Variants in COL24A1 observed in about 807,000 individuals in gnomAD.
COL24A1 encodes collagen type XXIV alpha 1 chain, also known as collagen alpha-1(XXIV) chain.
COL24A1 carries 224 observed loss-of-function variants against 253.9 expected under a neutral mutation model. That is an observed-to-expected ratio of 0.88 (90% CI 0.79 to 0.99). COL24A1 has a LOEUF of 0.99. Ranked by LOEUF, COL24A1 falls within the 50% of genes least tolerant of loss-of-function variation. The probability of loss-of-function intolerance (pLI) is 0.00; values close to 1 mark genes in which losing one functional copy is unlikely to be tolerated. For missense variants in COL24A1, 2,131 were observed against 2,068.5 expected (o/e 1.03, Z -0.59); for synonymous variants, 685 against 673.7 (o/e 1.02, Z -0.26).
intron 7 of COL24A1, 63 bp from the exon 8 acceptor site, chr1:86,063,822 C>A: frequency 7.9e-7 from 1 of 1,259,842 alleles, no homozygotes. Flanking sequence ...AATAACGAAA[C>A]ATAGGTTGCA....
intron 24 of COL24A1, among the ~76,000 whole-genome samples, chr1:85,944,903 C>A (rs1689110947): frequency 6.7e-6 from 1 of 148,524 alleles, no homozygotes; most frequent in Admixed American, 6.7e-5. Flanking sequence ...CCAATTTCAT[C>A]CATGTCCCTA....
intron 3 of COL24A1, among the ~76,000 whole-genome samples, chr1:86,121,162 G>A (rs1312636544): frequency 1.3e-5 from 2 of 152,042 alleles, no homozygotes; most frequent in African/African-American, 4.8e-5. Context: ...GCAGGGGGAG[G>A]GATAGCATTA....
At position 85,868,509 on chromosome 1, in the gene COL24A1, C is replaced by CAGT; in HGVS notation, c.3300+7_3300+9dup. 1 of 1,598,092 alleles carries CAGT rather than the reference C, an allele frequency of 6.3e-7. No individual in the cohort carries two copies. The highest frequency in any genetic ancestry group is 8.6e-7 in the Non-Finnish European group (1 of 1,165,730). Reference sequence around the variant, plus strand: ...ACTTAGTATTTGAAAGTGAACCCAGCAGTACTTACCGGAAGGCCTGTTTGG... The same window carrying CAGT: ...ACTTAGTATTTGAAAGTGAACCCAGCAGTAGTACTTACCGGAAGGCCTGTTTGG... On this transcript the variant is annotated intron_variant, in intron 37 of 59. Coordinates refer to ENST00000370571, the MANE Select transcript of COL24A1 (RefSeq NM_152890.7).
intron 2 of COL24A1, among the ~76,000 whole-genome samples, chr1:86,134,297 C>A (rs1381858698): frequency 2.6e-5 from 4 of 151,678 alleles, no homozygotes; most frequent in Non-Finnish European, 5.9e-5. Flanking sequence ...TTTCAAAAAA[C>A]CAGCTCCTGG....
chr1:85,915,141 A>G (rs928035723), intron 24 of COL24A1, among the ~76,000 whole-genome samples: 6 of 152,228 alleles, frequency 3.9e-5, no homozygotes, highest in Non-Finnish European at 8.8e-5. Flanking sequence ...GCACTGTCCA[A>G]TCTGTTGAGG....
chr1:86,087,170 T>C (rs909864869), intron 7 of COL24A1, among the ~76,000 whole-genome samples: 1 of 151,826 alleles, frequency 6.6e-6, no homozygotes, highest in Non-Finnish European at 1.5e-5. Context: ...GATTGAAAGC[T>C]TTTTAAAAAA....
At chr1:85,755,890 T>A (rs1322175594) in intron 55 of COL24A1, among the ~76,000 whole-genome samples, 3 of 120,326 alleles carry the variant, frequency 2.5e-5, no homozygotes, top group Non-Finnish European at 3.5e-5. Context: ...ACAAAGTAGA[T>A]AAATTAGACT....
At chr1:85,775,785 T>C (rs1570564367) in intron 52 of COL24A1, 76 bp from the exon 53 acceptor site, 2 of 1,216,438 alleles carry the variant, frequency 1.6e-6, no homozygotes, top group East Asian at 4.7e-5. Context: ...TCATTATATG[T>C]AGAAACATGA....
At chr1:85,743,779 TA>T (rs1307449315) in intron 57 of COL24A1, among the ~76,000 whole-genome samples, 2 of 152,160 alleles carry the variant, frequency 1.3e-5, no homozygotes, top group African/African-American at 4.8e-5. Context: ...GTTTTTATAT[TA>T]ATCTAGGGCA....
rs115055549 is a variant in COL24A1, at chr1:85,746,729, G to T, written c.4438-1223C>A. On this transcript the variant is annotated intron_variant, in intron 55 of 59. Coordinates refer to ENST00000370571, the MANE Select transcript of COL24A1 (RefSeq NM_152890.7). ...GAGAAGGGGTAGGAGAGCTTTCCAG[G>T]CAGAAGCAGCAACCTGGCACAAAGG... 6.4e-3 allele frequency among the ~76,000 whole-genome samples: 975 copies of T among 152,254 alleles called. 10 individuals are homozygous for T. Among genetic ancestry groups the T allele is most frequent in the African/African-American group, 0.023 (947 of 41,550 alleles).
chr1:85,745,291 C>T (rs1229858399), intron 56 of COL24A1, 150 bp downstream of exon 56: 1 of 484,890 alleles, frequency 2.1e-6, no homozygotes, highest in South Asian at 4.3e-5. Context: ...ACCAAAATCA[C>T]TTACTTTGTT....
chr1:86,077,850 T>TA (rs35714263), intron 7 of COL24A1, among the ~76,000 whole-genome samples: 51,827 of 150,408 alleles, frequency 0.34, 9,261 homozygotes, highest in Middle Eastern at 0.51. Flanking sequence ...GTTGGGGGGC[T>TA]GGGGAGGGCT....
rs537244415 is a variant in COL24A1 at position 85,854,081 on chromosome 1, G to GT, written c.3301-4676dup. Among the ~76,000 whole-genome samples the GT allele has an allele frequency of 8.3e-4, 126 of 152,192 alleles. 1 individual carries two copies. Among genetic ancestry groups the GT allele is most frequent in the African/African-American group, 2.8e-3 (118 of 41,524 alleles). The stretch of plus-strand genomic sequence containing the variant: ...AGTATTCCCTAAGTTCTCTTCTAAG[G>GT]TTTTTATAGTTTTAGGTTTTATATT... On this transcript the variant is annotated intron_variant, in intron 37 of 59. Coordinates refer to ENST00000370571, the MANE Select transcript of COL24A1 (RefSeq NM_152890.7).
Position 85,838,594 on chromosome 1 carries a change from C to T in COL24A1, c.3672G>A (p.Glu1224=). 6.2e-7 allele frequency: 1 copy of T among 1,613,808 alleles called. No individual in the cohort carries two copies. The highest frequency in any genetic ancestry group is 1.1e-5 in the South Asian group (1 of 91,074). The change falls in exon 43 of 60, where the codon GAG becomes GAA. Residue 1224 remains glutamate (E), a synonymous_variant. Coordinates refer to ENST00000370571, the MANE Select transcript of COL24A1 (RefSeq NM_152890.7). ...TATAACTTGCAATTACCTTATATCC[C>T]TCTGCTCCAGGCTCTCCTCTCTCTC... ...DQGERGEPGA[E]GYKGHVGVPG...
intron 28 of COL24A1, among the ~76,000 whole-genome samples, chr1:85,896,741 A>T (rs964742848): frequency 3.3e-5 from 5 of 151,934 alleles, no homozygotes; most frequent in African/African-American, 1.2e-4. Context: ...CTCGTGATCC[A>T]CCCGCCTCGG....
intron 12 of COL24A1, among the ~76,000 whole-genome samples, chr1:86,044,466 TTAAAA>T (rs1213320676): frequency 2.6e-5 from 4 of 152,162 alleles, no homozygotes; most frequent in African/African-American, 7.2e-5. Context: ...TAGACAGACT[TTAAAA>T]TAAACATTAG....
chr1:85,765,851 A>T (rs1197561464), intron 53 of COL24A1, among the ~76,000 whole-genome samples: 2 of 152,164 alleles, frequency 1.3e-5, no homozygotes, highest in Non-Finnish European at 2.9e-5. Flanking sequence ...ATTGTATCCC[A>T]TTATTTCCAG....
intron 27 of COL24A1, among the ~76,000 whole-genome samples, chr1:85,907,468 G>A (rs543742818): frequency 6.6e-6 from 1 of 151,942 alleles, no homozygotes; most frequent in South Asian, 2.1e-4. Context: ...TTTACACCCT[G>A]AATAAAAAAT....
intron 7 of COL24A1, among the ~76,000 whole-genome samples, chr1:86,078,848 A>G: frequency 6.6e-6 from 1 of 152,188 alleles, no homozygotes; most frequent in East Asian, 1.9e-4. Flanking sequence ...ATGAATTGGA[A>G]GAATCAATAT....
Sources: gnomAD v4.1 joint callset for allele counts (sites outside exome capture counted in the v4.1 genomes callset) on GRCh38, gnomAD v4.1.1 for gene constraint, MANE v1.5 for transcripts, NCBI Gene and HGNC (gene_info 2026-07-23, HGNC 2026-07-21) for gene names.